EMSY: variants seen among roughly 807,000 people sequenced by gnomAD.
EMSY encodes the protein EMSY transcriptional repressor, BRCA2 interacting.
In EMSY, 26 loss-of-function variants were observed where a neutral mutation model predicts 134.6. That is an observed-to-expected ratio of 0.19 (90% CI 0.14 to 0.27). The LOEUF (loss-of-function observed/expected upper bound fraction) is 0.27, where lower values mean the gene tolerates loss of function less well. Among genes scored for constraint, EMSY ranks in the 10% least tolerant of loss-of-function variants. The pLI, the probability that EMSY is intolerant of heterozygous loss-of-function variation, is 1.00. For synonymous variants in EMSY, 579 were observed against 577.8 expected (o/e 1.00, Z -0.03); for missense variants, 1,305 against 1,611.4 (o/e 0.81, Z 3.26).
intron 11 of EMSY, among the ~76,000 whole-genome samples, chr11:76,518,656 T>G (rs1034940997): frequency 2.7e-5 from 4 of 147,676 alleles, no homozygotes; most frequent in African/African-American, 9.9e-5. Context: ...ATTTTTCTAT[T>G]CGTTTGTATA....
chr11:76,505,378 T>TTG (rs1255354598), intron 9 of EMSY, among the ~76,000 whole-genome samples: 8,072 of 150,072 alleles, frequency 0.054, 325 homozygotes, highest in Middle Eastern at 0.089. Context: ...TTTTTTTTTT[T>TTG]TTTGTAGAGA....
chr11:76,527,041 C>T (rs915123908), intron 13 of EMSY, among the ~76,000 whole-genome samples: 1 of 152,076 alleles, frequency 6.6e-6, no homozygotes, highest in African/African-American at 2.4e-5. Flanking sequence ...TGCTTGAACC[C>T]TTGAACAATA....
intron 7 of EMSY, among the ~76,000 whole-genome samples, chr11:76,467,927 C>A (rs1398000813): frequency 1.3e-5 from 2 of 148,376 alleles, no homozygotes; most frequent in Non-Finnish European, 3.0e-5. Flanking sequence ...TGCAGTGAGC[C>A]AAGATTGTGC....
chr11:76,477,380 C>T (rs1031440787), intron 8 of EMSY, among the ~76,000 whole-genome samples: 1 of 150,486 alleles, frequency 6.6e-6, no homozygotes, highest in African/African-American at 2.4e-5. Flanking sequence ...AAAATCAAAT[C>T]CACAAAATCA....
intron 17 of EMSY, among the ~76,000 whole-genome samples, chr11:76,540,360 G>A (rs1286287223): frequency 6.6e-6 from 1 of 151,910 alleles, no homozygotes. Context: ...AATTACTTCA[G>A]TCATTGTTGT....
intron 14 of EMSY, among the ~76,000 whole-genome samples, chr11:76,531,882 A>G (rs1363758771): frequency 6.6e-6 from 1 of 152,146 alleles, no homozygotes; most frequent in East Asian, 1.9e-4. Flanking sequence ...TACGTATGCC[A>G]AGAGAATGCC....
At chr11:76,525,391 G>A (rs1950809578) in intron 12 of EMSY, among the ~76,000 whole-genome samples, 1 of 152,190 alleles carries the variant, frequency 6.6e-6, no homozygotes, top group South Asian at 2.1e-4. Flanking sequence ...CACAATGATT[G>A]CTTTTTAGCC....
chr11:76,521,934 G>A (rs149806576), intron 11 of EMSY, among the ~76,000 whole-genome samples: 2 of 152,120 alleles, frequency 1.3e-5, no homozygotes, highest in East Asian at 3.9e-4. Flanking sequence ...TAAGGTGGGA[G>A]GACCACTTGA....
At chr11:76,540,550 A>G (rs951477638) in intron 17 of EMSY, among the ~76,000 whole-genome samples, 5 of 152,258 alleles carry the variant, frequency 3.3e-5, no homozygotes, top group Admixed American at 2.6e-4. Flanking sequence ...ACATGTAGAT[A>G]TATGTATAGC....
chr11:76,533,008 C>CT (rs918838898), intron 14 of EMSY, among the ~76,000 whole-genome samples: 1 of 151,890 alleles, frequency 6.6e-6, no homozygotes, highest in Non-Finnish European at 1.5e-5. Context: ...CCATGGAACC[C>CT]TTTTTTTGCA....
At chr11:76,461,796 G>T (rs1275474969) in intron 6 of EMSY, among the ~76,000 whole-genome samples, 2 of 152,186 alleles carry the variant, frequency 1.3e-5, no homozygotes, top group African/African-American at 2.4e-5. Flanking sequence ...GTCAGGTGTG[G>T]TGGCGGGCGC....
rs1221747067 is a variant in EMSY, at chr11:76,530,281, T to G, written c.2194+1815T>G. Among the ~76,000 whole-genome samples the G allele has an allele frequency of 2.0e-5, 3 of 148,734 alleles. No homozygotes were observed. The East Asian group carries it at 6.3e-4, about 31-fold the overall frequency. On this transcript the variant is annotated intron_variant, in intron 14 of 20. Coordinates refer to ENST00000334736, the Ensembl canonical transcript of EMSY. ...TTCAAGCGATTCTCCTGCCTCAGCC[T>G]CCCGAGTAGCTGGTATTACAAGCAC...
At chr11:76,543,399 G>A (rs1031088370) in intron 18 of EMSY, among the ~76,000 whole-genome samples, 1 of 152,180 alleles carries the variant, frequency 6.6e-6, no homozygotes, top group African/African-American at 2.4e-5. Context: ...ATGGGGATAG[G>A]GTGGATCTTG....
chr11:76,537,997 C>T (rs1951288108), intron 16 of EMSY, 47 bp downstream of exon 17: 1 of 1,446,932 alleles, frequency 6.9e-7, no homozygotes, highest in Non-Finnish European at 9.4e-7. Flanking sequence ...GAACTACCTT[C>T]CTGGATTTCA....
chr11:76,512,747 C>A (rs1247022138), intron 9 of EMSY, among the ~76,000 whole-genome samples: 1 of 150,604 alleles, frequency 6.6e-6, no homozygotes, highest in African/African-American at 2.4e-5. Context: ...CCATAAATCA[C>A]CACCCTAGCA....
intron 5 of EMSY, 33 bp from the exon 7 acceptor site, chr11:76,459,900 A>G: frequency 6.2e-7 from 1 of 1,604,452 alleles, no homozygotes. Flanking sequence ...TTTTGGTGAA[A>G]GTTAACAGCA....
At chr11:76,455,018 T>A (rs1456525177) in intron 4 of EMSY, among the ~76,000 whole-genome samples, 1 of 152,138 alleles carries the variant, frequency 6.6e-6, no homozygotes, top group Non-Finnish European at 1.5e-5. Context: ...AAAATTTTAA[T>A]TAGTCATTTT....
At chr11:76,514,274 G>A (rs540565394) in intron 10 of EMSY, among the ~76,000 whole-genome samples, 1 of 152,184 alleles carries the variant, frequency 6.6e-6, no homozygotes, top group African/African-American at 2.4e-5. Context: ...GTGCTCAATA[G>A]TTGTCACTAT....
chr11:76,505,323 G>A (rs1950028753), intron 9 of EMSY, among the ~76,000 whole-genome samples: 1 of 150,088 alleles, frequency 6.7e-6, no homozygotes, highest in South Asian at 2.1e-4. Flanking sequence ...AGCCTCCCAA[G>A]TAGCTGGGAT....
Sources: gnomAD v4.1 joint callset for allele counts (sites outside exome capture counted in the v4.1 genomes callset) on GRCh38, gnomAD v4.1.1 for gene constraint, MANE v1.5 for transcripts, NCBI Gene and HGNC (gene_info 2026-07-23, HGNC 2026-07-21) for gene names.